PCBP2: variants seen among roughly 807,000 people sequenced by gnomAD.
The protein encoded by PCBP2 is poly(rC)-binding protein 2.
Under a neutral mutation model 50.1 loss-of-function variants are expected in PCBP2, and 4 were observed. The ratio of observed to expected loss-of-function variants is 0.08; its 90% CI spans 0.04 to 0.18. The LOEUF (loss-of-function observed/expected upper bound fraction) is 0.18, where lower values mean the gene tolerates loss of function less well. PCBP2 is among the 10% of genes least tolerant of loss of function. The pLI is 1.00. For synonymous variants in PCBP2, 179 were observed against 168.0 expected, an observed-to-expected ratio of 1.07 and a Z score of -0.51; for missense variants, 161 against 474.3, an observed-to-expected ratio of 0.34 and a Z score of 6.14.
chr12:53,465,059 A>AT (rs952108319), intron 9 of PCBP2: 2,112 of 380,346 alleles, frequency 5.6e-3, no homozygotes, highest in Middle Eastern at 0.014. Flanking sequence ...TTTTTTTTTA[A>AT]TTTTTTTTTT....
chr12:53,475,979 A>G (rs1942554727), intron 14 of PCBP2: 1 of 152,228 alleles, frequency 6.6e-6, no homozygotes, highest in Non-Finnish European at 1.5e-5. Flanking sequence ...TCATACATTC[A>G]AAGAACATAC....
intron 14 of PCBP2, among the ~76,000 whole-genome samples, chr12:53,472,606 G>T (rs1942315654): frequency 6.6e-6 from 1 of 152,136 alleles, no homozygotes; most frequent in Non-Finnish European, 1.5e-5. Flanking sequence ...TCTTTTAATA[G>T]GGAATGTTGT....
intron 6 of PCBP2, chr12:53,459,949 G>A: frequency 4.5e-6 from 2 of 440,030 alleles, no homozygotes; most frequent in South Asian, 3.2e-5. Flanking sequence ...TGTAAAAATG[G>A]TGTTTTGCCA....
intron 1 of PCBP2, chr12:53,454,493 T>A: frequency 3.2e-6 from 1 of 310,812 alleles, no homozygotes; most frequent in Non-Finnish European, 6.1e-6. Flanking sequence ...ATCCTGAGAG[T>A]CAGCGGAAAC....
Position 53,467,915 on chromosome 12 carries a change from A to G in PCBP2, c.826+72A>G, listed in dbSNP as rs995175387. 1.0e-5 allele frequency: 12 copies of G among 1,147,060 alleles called. No homozygotes were observed. The African/African-American group carries it at 1.7e-4, about 16-fold the overall frequency. 71.1% of individuals were successfully genotyped at this position (1,147,060 alleles called of 1,614,324 possible). A position where few individuals can be genotyped will look rare whatever the true frequency, so the allele number is the denominator to read the frequency against. On this transcript the variant is annotated intron_variant, in intron 12 of 14. Coordinates refer to ENST00000546463, the MANE Select transcript of PCBP2 (RefSeq NM_031989.5). Reference sequence around the variant, plus strand: ...AATAAACTGGTGGGAGTCTTGTTTCACTGCCCATGAACCATACCAGCAACA... The same window carrying G: ...AATAAACTGGTGGGAGTCTTGTTTCGCTGCCCATGAACCATACCAGCAACA...
chr12:53,475,938 G>A (rs1477917909), intron 14 of PCBP2: 2 of 152,184 alleles, frequency 1.3e-5, no homozygotes, highest in African/African-American at 4.8e-5. Flanking sequence ...GATTCCTCTG[G>A]TGAATGGTTA....
chr12:53,455,590 G>A (rs1565856189), intron 4 of PCBP2, 97 bp downstream of exon 4: 18 of 1,242,506 alleles, frequency 1.4e-5, no homozygotes, highest in Non-Finnish European at 1.8e-5. Flanking sequence ...GTCTCAATAA[G>A]GGAAATATGT....
intron 14 of PCBP2, among the ~76,000 whole-genome samples, chr12:53,472,706 A>G (rs1307951171): frequency 1.3e-5 from 2 of 152,204 alleles, no homozygotes; most frequent in Non-Finnish European, 2.9e-5. Flanking sequence ...GGGGAAAGGA[A>G]TTCCTAAGTA....
chr12:53,467,095 C>T (rs985251613), intron 10 of PCBP2, 126 bp from the exon 11 acceptor site: 3 of 670,438 alleles, frequency 4.5e-6, no homozygotes, highest in Middle Eastern at 4.2e-4. Flanking sequence ...CCATCCCTAC[C>T]CTCTGTTGTA....
intron 6 of PCBP2, chr12:53,460,007 C>T (rs1941336634): frequency 3.0e-6 from 1 of 329,740 alleles, no homozygotes; most frequent in Non-Finnish European, 6.5e-6. Context: ...AATCCACCCA[C>T]CTCAGGCTCC....
At chr12:53,468,053 C>G (rs1237631716) in intron 12 of PCBP2, 1 of 579,882 alleles carries the variant, frequency 1.7e-6, no homozygotes. Context: ...GCAGCCATAG[C>G]TGAGATCAGG....
At chr12:53,456,482 T>A (rs1272691535) in intron 5 of PCBP2, among the ~76,000 whole-genome samples, 1 of 150,808 alleles carries the variant, frequency 6.6e-6, no homozygotes, top group East Asian at 1.9e-4. Flanking sequence ...GTCACTTGAA[T>A]CATCAAAACA....
chr12:53,471,276 GT>G (rs869289440), intron 13 of PCBP2, among the ~76,000 whole-genome samples: 2,366 of 139,424 alleles, frequency 0.017, 22 homozygotes, highest in African/African-American at 0.043. Flanking sequence ...GAGACCCTCG[GT>G]TTTTTTTTTT....
chr12:53,479,346 A>C, intron 14 of PCBP2, 60 bp from the exon 15 acceptor site: 1 of 1,405,772 alleles, frequency 7.1e-7, no homozygotes, highest in Non-Finnish European at 1.0e-6. Flanking sequence ...TGAACCAGGT[A>C]GAGATGAGGT....
intron 5 of PCBP2, among the ~76,000 whole-genome samples, chr12:53,457,001 C>A (rs1039721677): frequency 2.6e-5 from 4 of 152,126 alleles, no homozygotes; most frequent in African/African-American, 9.7e-5. Context: ...ACGTTTTATT[C>A]TTTTAACTAG....
At chr12:53,477,689 A>AAAC (rs1942711113) in intron 14 of PCBP2, among the ~76,000 whole-genome samples, 1 of 150,192 alleles carries the variant, frequency 6.7e-6, no homozygotes, top group African/African-American at 2.5e-5. Context: ...AAAAAAAAAA[A>AAAC]AAAAACCCTA....
At chr12:53,477,877 A>G (rs1044452928) in intron 14 of PCBP2, among the ~76,000 whole-genome samples, 11 of 152,150 alleles carry the variant, frequency 7.2e-5, no homozygotes, top group African/African-American at 2.4e-4. Context: ...CACATATCAC[A>G]AATATTTTAT....
At chr12:53,479,156 A>G (rs1942877961) in intron 14 of PCBP2, among the ~76,000 whole-genome samples, 1 of 152,210 alleles carries the variant, frequency 6.6e-6, no homozygotes, top group Admixed American at 6.5e-5. Context: ...AGGTGGAACT[A>G]AAAGAGAACA....
At chr12:53,459,579 A>T (rs917144983) in intron 6 of PCBP2, among the ~76,000 whole-genome samples, 176 bp downstream of exon 6, 7 of 152,186 alleles carry the variant, frequency 4.6e-5, no homozygotes, top group African/African-American at 1.7e-4. Context: ...ATTTTGCATA[A>T]TTCATAAATT....
Sources: gnomAD v4.1 joint callset for allele counts (sites outside exome capture counted in the v4.1 genomes callset) on GRCh38, gnomAD v4.1.1 for gene constraint, MANE v1.5 for transcripts, NCBI Gene and HGNC (gene_info 2026-07-23, HGNC 2026-07-21) for gene names.